PCDH15: variants seen among roughly 807,000 people sequenced by gnomAD.
PCDH15 encodes the protein protocadherin-15.
In PCDH15, 129 loss-of-function variants were observed where a neutral mutation model predicts 178.5. That is an observed-to-expected ratio of 0.72 (90% confidence interval 0.63 to 0.84). The LOEUF (loss-of-function observed/expected upper bound fraction) is 0.84. Among genes scored for constraint, PCDH15 ranks in the 40% least tolerant of loss-of-function variants. PCDH15 has a pLI of 0.00. For synonymous variants in PCDH15, 800 were observed against 732.0 expected, an observed-to-expected ratio of 1.09 and a Z score of -1.50; for missense variants, 2,230 against 2,099.9, an observed-to-expected ratio of 1.06 and a Z score of -1.21.
intron 8 of PCDH15, among the ~76,000 whole-genome samples, chr10:54,298,563 C>T (rs947775125): frequency 1.3e-5 from 2 of 152,216 alleles, no homozygotes; most frequent in Non-Finnish European, 2.9e-5. Context: ...GCCCCCTCAT[C>T]CATGTCCACT....
intron 3 of PCDH15, among the ~76,000 whole-genome samples, chr10:54,497,949 CAG>C (rs1266951371): frequency 1.3e-5 from 2 of 151,826 alleles, no homozygotes; most frequent in African/African-American, 4.8e-5. Context: ...TTAGGAAACT[CAG>C]AGAACCCCAG....
intron 1 of PCDH15, among the ~76,000 whole-genome samples, chr10:54,755,616 G>A (rs1375781991): frequency 6.6e-6 from 1 of 151,984 alleles, no homozygotes; most frequent in East Asian, 1.9e-4. Flanking sequence ...ATAAAATAAA[G>A]ATACTAGAGA....
intron 29 of PCDH15, among the ~76,000 whole-genome samples, chr10:53,839,513 C>G (rs1323631327): frequency 6.6e-6 from 1 of 151,960 alleles, no homozygotes; most frequent in Non-Finnish European, 1.5e-5. Flanking sequence ...TGATGTTTCA[C>G]ATATAGAGTT....
intron 15 of PCDH15, among the ~76,000 whole-genome samples, chr10:54,097,255 C>T (rs1388443745): frequency 6.6e-6 from 1 of 152,170 alleles, no homozygotes; most frequent in Non-Finnish European, 1.5e-5. Context: ...TTATATCTAT[C>T]CCTCTCCTAT....
At chr10:55,073,375 T>C (rs935611910) in intron 2 of PCDH15, among the ~76,000 whole-genome samples, 6 of 152,060 alleles carry the variant, frequency 3.9e-5, no homozygotes, top group Non-Finnish European at 7.4e-5. Flanking sequence ...AAAATCTCCT[T>C]AAGCTGATAA....
chr10:55,198,861 T>C (rs1174409971), intron 1 of PCDH15, among the ~76,000 whole-genome samples: 2 of 152,070 alleles, frequency 1.3e-5, no homozygotes, highest in Non-Finnish European at 2.9e-5. Flanking sequence ...TTGTAAGTTG[T>C]GCTTGCTTCC....
At chr10:54,135,768 C>G (rs951583934) in intron 14 of PCDH15, among the ~76,000 whole-genome samples, 3 of 152,102 alleles carry the variant, frequency 2.0e-5, no homozygotes, top group African/African-American at 7.2e-5. Context: ...GAATTTGTAA[C>G]CAGATATTCC....
At chr10:54,295,152 G>A (rs2059667845) in intron 8 of PCDH15, among the ~76,000 whole-genome samples, 1 of 152,188 alleles carries the variant, frequency 6.6e-6, no homozygotes, top group Non-Finnish European at 1.5e-5. Context: ...GGTGAAGCCA[G>A]CTGAGCTTCT....
intron 3 of PCDH15, among the ~76,000 whole-genome samples, chr10:54,432,874 A>G (rs1392043785): frequency 6.6e-6 from 1 of 152,060 alleles, no homozygotes; most frequent in Admixed American, 6.5e-5. Context: ...TCAAACAACT[A>G]TATAGGAAAA....
intron 2 of PCDH15, among the ~76,000 whole-genome samples, chr10:54,546,534 C>A (rs1022887705): frequency 2.0e-5 from 3 of 151,868 alleles, no homozygotes; most frequent in Non-Finnish European, 4.4e-5. Context: ...AAATGCATTG[C>A]ATTTATTATA....
intron 2 of PCDH15, among the ~76,000 whole-genome samples, chr10:54,940,203 T>A (rs1272647618): frequency 1.3e-5 from 2 of 152,204 alleles, no homozygotes; most frequent in Admixed American, 1.3e-4. Context: ...AGCATGGGTT[T>A]CACTGTATCG....
intron 2 of PCDH15, among the ~76,000 whole-genome samples, chr10:54,558,344 A>C (rs2087590117): frequency 6.6e-6 from 1 of 152,146 alleles, no homozygotes; most frequent in Admixed American, 6.6e-5. Context: ...AATTTATTAG[A>C]GACAACACTC....
At chr10:53,987,782 GT>G (rs1564937194) in intron 21 of PCDH15, among the ~76,000 whole-genome samples, 1 of 152,086 alleles carries the variant, frequency 6.6e-6, no homozygotes, top group Admixed American at 6.6e-5. Context: ...TGTCTGCAAA[GT>G]TTTTCACCAT....
chr10:54,749,919 C>A (rs1269458564), intron 1 of PCDH15, among the ~76,000 whole-genome samples: 2 of 152,172 alleles, frequency 1.3e-5, no homozygotes, highest in Non-Finnish European at 2.9e-5. Flanking sequence ...TTGCCACTAC[C>A]TATATTTATG....
chr10:54,804,902 A>G (rs1423837936), upstream of PCDH15, among the ~76,000 whole-genome samples: 3 of 66,156 alleles, frequency 4.5e-5, no homozygotes, highest in Non-Finnish European at 9.6e-5. Context: ...ATTTTTTTGG[A>G]ATCTTGACTT....
intron 2 of PCDH15, among the ~76,000 whole-genome samples, chr10:54,625,323 AG>A (rs2093512761): frequency 1.3e-5 from 2 of 152,170 alleles, no homozygotes; most frequent in African/African-American, 2.4e-5. Flanking sequence ...AAGGACTACA[AG>A]TTTCCTAATG....
chr10:54,481,590 T>C lies in PCDH15; in HGVS notation c.157+46222A>G, dbSNP rs143812524. Among the ~76,000 whole-genome samples, 1,134 of 151,932 alleles carry C rather than the reference T, an allele frequency of 7.5e-3. 15 individuals carry two copies. The highest frequency in any genetic ancestry group is 0.025 in the African/African-American group (1,058 of 41,540). ...CATTTTAATTGGGGTCTCACTAATC[T>C]AGAGGCTACTCTAATAGCTTCCATG... On this transcript the variant is annotated intron_variant, in intron 3 of 37. Coordinates refer to ENST00000644397, the MANE Select transcript of PCDH15 (RefSeq NM_001384140.1).
At chr10:55,044,334 A>G (rs762056415) in intron 2 of PCDH15, among the ~76,000 whole-genome samples, 1 of 152,096 alleles carries the variant, frequency 6.6e-6, no homozygotes, top group Non-Finnish European at 1.5e-5. Flanking sequence ...ATAACTTTCA[A>G]TTTGTTTCTC....
intron 18 of PCDH15, among the ~76,000 whole-genome samples, chr10:54,062,033 T>TGGC (rs2094026437): frequency 6.6e-6 from 1 of 151,872 alleles, no homozygotes; most frequent in Admixed American, 6.6e-5. Context: ...AAGATCAGCC[T>TGGC]GGCCAACATG....
Sources: gnomAD v4.1 joint callset for allele counts (sites outside exome capture counted in the v4.1 genomes callset) on GRCh38, gnomAD v4.1.1 for gene constraint, MANE v1.5 for transcripts, NCBI Gene and HGNC (gene_info 2026-07-23, HGNC 2026-07-21) for gene names.